NALF1: variants seen among roughly 807,000 people sequenced by gnomAD.
NALF1 encodes the protein NALCN channel auxiliary factor 1.
Under a neutral mutation model 48.4 loss-of-function variants are expected in NALF1, and 3 were observed. That is an observed-to-expected ratio of 0.06 (90% CI 0.03 to 0.16). The LOEUF is 0.16. Ranked by LOEUF, NALF1 falls within the 10% of genes least tolerant of loss-of-function variation. The pLI, the probability that NALF1 is intolerant of heterozygous loss-of-function variation, is 1.00. For missense variants in NALF1, 526 were observed against 571.5 expected, an observed-to-expected ratio of 0.92 and a Z score of 0.81; for synonymous variants, 262 against 245.7, an observed-to-expected ratio of 1.07 and a Z score of -0.62.
intron 1 of NALF1, among the ~76,000 whole-genome samples, chr13:107,341,681 C>T (rs1882684403): frequency 6.6e-6 from 1 of 150,434 alleles, no homozygotes; most frequent in African/African-American, 2.4e-5. Context: ...ATGGGATATA[C>T]ATGTATATAT....
At chr13:107,338,936 T>C (rs1287896839) in intron 1 of NALF1, among the ~76,000 whole-genome samples, 1 of 151,834 alleles carries the variant, frequency 6.6e-6, no homozygotes, top group East Asian at 1.9e-4. Context: ...GTCGAGTCCA[T>C]CCTGGCTAAC....
At chr13:107,556,756 G>GATT (rs1877496415) in intron 1 of NALF1, among the ~76,000 whole-genome samples, 1 of 152,130 alleles carries the variant, frequency 6.6e-6, no homozygotes, top group Non-Finnish European at 1.5e-5. Context: ...AAAGTACTGG[G>GATT]ATTACATCAT....
chr13:107,280,481 T>C (rs1341825348), intron 1 of NALF1, among the ~76,000 whole-genome samples: 1 of 152,198 alleles, frequency 6.6e-6, no homozygotes, highest in Non-Finnish European at 1.5e-5. Flanking sequence ...CCCATGTTTA[T>C]CCATTATGTA....
chr13:107,646,089 TAGCACTGACCAGTC>T, intron 1 of NALF1, among the ~76,000 whole-genome samples: 1 of 152,148 alleles, frequency 6.6e-6, no homozygotes, highest in Non-Finnish European at 1.5e-5. Context: ...ACAGCCCTTC[TAGCACTGACCAGTC>T]AGCACTGAGA....
chr13:107,716,199 A>T (rs1875811838), intron 1 of NALF1, among the ~76,000 whole-genome samples: 1 of 152,300 alleles, frequency 6.6e-6, no homozygotes, highest in East Asian at 1.9e-4. Flanking sequence ...TTCTAGCTGG[A>T]GTTATTACCA....
chr13:107,572,754 T>C (rs16970700), intron 1 of NALF1, among the ~76,000 whole-genome samples: 20,402 of 152,200 alleles, frequency 0.13, 1,805 homozygotes, highest in East Asian at 0.36. Context: ...CGCTAATTTA[T>C]AAAATGGCAT....
chr13:107,603,727 T>C (rs1268870161), intron 1 of NALF1, among the ~76,000 whole-genome samples: 3 of 152,204 alleles, frequency 2.0e-5, no homozygotes, highest in Non-Finnish European at 4.4e-5. Flanking sequence ...AACCATGGTA[T>C]CTGTGTCTGC....
intron 2 of NALF1, among the ~76,000 whole-genome samples, chr13:107,181,648 C>T (rs1257288697): frequency 7.1e-6 from 1 of 141,006 alleles, no homozygotes; most frequent in Admixed American, 7.2e-5. Context: ...TATTGGATAA[C>T]CATGCTTAAT....
chr13:107,313,760 A>G (rs897124367), intron 1 of NALF1, among the ~76,000 whole-genome samples: 1 of 152,202 alleles, frequency 6.6e-6, no homozygotes, highest in South Asian at 2.1e-4. Flanking sequence ...ATTTAGTGAA[A>G]GGCAGATCAA....
chr13:107,375,472 C>A (rs1712436471), intron 1 of NALF1, among the ~76,000 whole-genome samples: 1 of 151,836 alleles, frequency 6.6e-6, no homozygotes, highest in South Asian at 2.1e-4. Context: ...CAGAAAGTAT[C>A]TATCATGTAA....
At chr13:107,584,131 A>G (rs925130130) in intron 1 of NALF1, among the ~76,000 whole-genome samples, 1 of 152,184 alleles carries the variant, frequency 6.6e-6, no homozygotes, top group African/African-American at 2.4e-5. Context: ...GGGACTCTCA[A>G]TAAATAGTCT....
intron 1 of NALF1, among the ~76,000 whole-genome samples, chr13:107,586,634 G>GTTTTTTTTTTTTTTTTTTTTTTTTTTTT (rs1403213630): frequency 1.8e-4 from 1 of 5,666 alleles, no homozygotes; most frequent in Non-Finnish European, 3.7e-4. Context: ...CCCCTATGGA[G>GTTTTTTTTTTTTTTTTTTTTTTTTTTTT]ATTTTTTTTT....
intron 2 of NALF1, among the ~76,000 whole-genome samples, chr13:107,205,440 T>C (rs1478799254): frequency 6.6e-6 from 1 of 152,144 alleles, no homozygotes; most frequent in African/African-American, 2.4e-5. Context: ...TTCCCTTCCG[T>C]TGCCTGCAGG....
intron 1 of NALF1, among the ~76,000 whole-genome samples, chr13:107,408,862 A>G (rs887682985): frequency 6.6e-6 from 1 of 152,186 alleles, no homozygotes; most frequent in Non-Finnish European, 1.5e-5. Context: ...GTGAAATATA[A>G]AAATCAGAAC....
intron 1 of NALF1, among the ~76,000 whole-genome samples, chr13:107,635,374 A>C (rs1879948164): frequency 6.6e-6 from 1 of 151,966 alleles, no homozygotes; most frequent in African/African-American, 2.4e-5. Context: ...AAAGGGGGAA[A>C]CACTCCTTAA....
chr13:107,756,524 A>G (rs1229683821), intron 1 of NALF1, among the ~76,000 whole-genome samples: 1 of 151,932 alleles, frequency 6.6e-6, no homozygotes, highest in Admixed American at 6.6e-5. Context: ...ACATTTTAAC[A>G]TAAAATAAAC....
intron 1 of NALF1, among the ~76,000 whole-genome samples, chr13:107,807,702 T>A (rs3905102): frequency 0.056 from 8,491 of 152,238 alleles, 623 homozygotes; most frequent in East Asian, 0.39. Flanking sequence ...GCTGTCTGAT[T>A]TAGGAAAATT....
intron 1 of NALF1, among the ~76,000 whole-genome samples, chr13:107,782,612 G>A (rs1189895039): frequency 3.3e-5 from 5 of 151,536 alleles, no homozygotes; most frequent in Admixed American, 6.6e-5. Context: ...AGTGAGGAGC[G>A]CCTCTTCCCG....
chr13:107,280,371 T>G (rs1039892107), intron 1 of NALF1, among the ~76,000 whole-genome samples: 10 of 152,336 alleles, frequency 6.6e-5, no homozygotes, highest in Admixed American at 1.3e-4. Context: ...ATATCTCAGT[T>G]ACATACAAAA....
Sources: gnomAD v4.1 joint callset for allele counts (sites outside exome capture counted in the v4.1 genomes callset) on GRCh38, gnomAD v4.1.1 for gene constraint, MANE v1.5 for transcripts, NCBI Gene and HGNC (gene_info 2026-07-23, HGNC 2026-07-21) for gene names.